TM2D1: variants seen among roughly 807,000 people sequenced by gnomAD.
TM2D1 encodes the protein TM2 domain containing 1, also known as TM2 domain-containing protein 1.
Under a neutral mutation model 28.4 loss-of-function variants are expected in TM2D1, and 15 were observed. The ratio of observed to expected loss-of-function variants is 0.53; its 90% confidence interval spans 0.35 to 0.81. TM2D1 has a LOEUF of 0.81. TM2D1 is among the 40% of genes least tolerant of loss of function. The pLI is 0.01. For synonymous variants in TM2D1, 93 were observed against 96.2 expected (o/e 0.97, Z 0.20); for missense variants, 236 against 254.9 (o/e 0.93, Z 0.50).
At chr1:61,698,629 AAC>A (rs1644380219) in intron 4 of TM2D1, 1 of 151,976 alleles carries the variant, frequency 6.6e-6, no homozygotes, top group African/African-American at 2.4e-5. Context: ...CCCCGAGGCT[AAC>A]AGATTTATAA....
At chr1:61,712,152 G>A (rs1644483339) in intron 2 of TM2D1, among the ~76,000 whole-genome samples, 1 of 152,092 alleles carries the variant, frequency 6.6e-6, no homozygotes, top group Non-Finnish European at 1.5e-5. Context: ...GGCATATAGT[G>A]AGTACAGACC....
rs1396776483 is a variant in TM2D1 at position 61,725,129 on chromosome 1, C to A, written c.-9G>T. 6.2e-7 allele frequency: 1 copy of A among 1,613,442 alleles called. No homozygotes were observed. Among genetic ancestry groups the A allele is most frequent in the Non-Finnish European group, 8.5e-7 (1 of 1,179,818 alleles). ...GGCCAGGCGGCCGCCATCTTGGAGA[C>A]CGACACTTTCTCGCCACTTCCGCTT... On this transcript the variant is annotated 5_prime_UTR_variant, in exon 1 of 7. Coordinates refer to ENST00000606498, the MANE Select transcript of TM2D1 (RefSeq NM_032027.3).
chr1:61,686,526 G>A (rs1167121234), intron 5 of TM2D1, among the ~76,000 whole-genome samples: 2 of 151,974 alleles, frequency 1.3e-5, no homozygotes, highest in East Asian at 1.9e-4. Flanking sequence ...AGTCAGGCAC[G>A]GTGGTGCACA....
At chr1:61,691,816 G>A (rs1644326880) in intron 5 of TM2D1, among the ~76,000 whole-genome samples, 1 of 150,378 alleles carries the variant, frequency 6.6e-6, no homozygotes, top group African/African-American at 2.4e-5. Flanking sequence ...TCAGGAGGCT[G>A]AGGCAGGAGA....
intron 1 of TM2D1, 28 bp downstream of exon 1, chr1:61,724,929 A>G: frequency 6.4e-7 from 1 of 1,561,984 alleles, no homozygotes; most frequent in Non-Finnish European, 8.7e-7. Flanking sequence ...CCTCGCCTCC[A>G]TGGGGGGGTG....
rs377613032 is a variant in TM2D1, at chr1:61,695,663, G to A, written c.440-893C>T. Among the ~76,000 whole-genome samples the A allele has an allele frequency of 2.2e-4, 33 of 152,226 alleles. No individual in the cohort carries two copies. The South Asian group carries it at 5.0e-3, about 23-fold the overall frequency. On this transcript the variant is annotated intron_variant, in intron 4 of 6. Coordinates refer to ENST00000606498, the MANE Select transcript of TM2D1 (RefSeq NM_032027.3). ...GGATGAGATCACACATCTCACAGAG[G>A]ATCACACAGAGGATTCTCCCACAAC...
intron 6 of TM2D1, 98 bp downstream of exon 6, chr1:61,683,319 T>A: frequency 2.4e-6 from 1 of 417,050 alleles, no homozygotes; most frequent in Non-Finnish European, 4.2e-6. Context: ...GAGAGGTTTA[T>A]ACGGTTTCTT....
intron 2 of TM2D1, among the ~76,000 whole-genome samples, chr1:61,722,613 C>T (rs1433809814): frequency 1.3e-5 from 2 of 152,130 alleles, no homozygotes; most frequent in Non-Finnish European, 2.9e-5. Context: ...GTGATCCACC[C>T]GCCTTGGCCT....
At chr1:61,689,247 G>C (rs993714898) in intron 5 of TM2D1, among the ~76,000 whole-genome samples, 1 of 152,052 alleles carries the variant, frequency 6.6e-6, no homozygotes, top group Non-Finnish European at 1.5e-5. Flanking sequence ...CCACACTTTG[G>C]TCTAAACTGA....
At chr1:61,701,797 G>A (rs1332851069) in intron 3 of TM2D1, among the ~76,000 whole-genome samples, 1 of 151,986 alleles carries the variant, frequency 6.6e-6, no homozygotes, top group African/African-American at 2.4e-5. Context: ...AAATCTAATG[G>A]GCAGTAACAG....
At chr1:61,691,085 C>T (rs1644320369) in intron 5 of TM2D1, among the ~76,000 whole-genome samples, 2 of 152,140 alleles carry the variant, frequency 1.3e-5, no homozygotes, top group East Asian at 1.9e-4. Context: ...TACTTATTTC[C>T]ATTTTCCCTC....
intron 2 of TM2D1, among the ~76,000 whole-genome samples, chr1:61,713,928 G>A (rs999426535): frequency 1.6e-5 from 2 of 123,424 alleles, no homozygotes; most frequent in African/African-American, 6.3e-5. Flanking sequence ...TCGCTCTGTC[G>A]CCCAGGCCGG....
chr1:61,722,005 T>C (rs545146577), intron 2 of TM2D1, among the ~76,000 whole-genome samples: 2 of 147,724 alleles, frequency 1.4e-5, no homozygotes, highest in Non-Finnish European at 1.5e-5. Context: ...TGGTGGTTCA[T>C]GCCTGTAAAC....
At chr1:61,698,405 C>G (rs1644378382) in intron 4 of TM2D1, 1 of 152,032 alleles carries the variant, frequency 6.6e-6, no homozygotes, top group Non-Finnish European at 1.5e-5. Flanking sequence ...ACTAAAAATA[C>G]AAAATTAGCT....
chr1:61,683,406 A>G lies in TM2D1; in HGVS notation c.*19+11T>C. The G allele has an allele frequency of 5.9e-6, 5 of 846,656 alleles. No individual in the cohort carries two copies. The highest frequency in any genetic ancestry group is 1.9e-5 in the South Asian group (1 of 51,952). 52.4% of individuals were successfully genotyped at this position (846,656 alleles called of 1,614,324 possible). On this transcript the variant is annotated intron_variant, in intron 6 of 6. Transcript: ENST00000606498. ...ACTATAAGATATTACATATATATATATATCACTTACTGTTTCTTTTAAAAA... is the reference window on the plus strand; with the variant it reads ...ACTATAAGATATTACATATATATATGTATCACTTACTGTTTCTTTTAAAAA...
intron 5 of TM2D1, chr1:61,686,955 G>C (rs981442447): frequency 5.2e-5 from 51 of 984,568 alleles, no homozygotes; most frequent in Non-Finnish European, 5.8e-5. Context: ...CCAATACTGG[G>C]AATTTTTTTC....
At chr1:61,707,165 G>C (rs2148054893) in intron 3 of TM2D1, among the ~76,000 whole-genome samples, 1 of 152,226 alleles carries the variant, frequency 6.6e-6, no homozygotes, top group East Asian at 1.9e-4. Context: ...TGAGATGAGA[G>C]GATGGCTTGA....
At chr1:61,682,616 C>T (rs1644252758) in intron 6 of TM2D1, among the ~76,000 whole-genome samples, 1 of 152,060 alleles carries the variant, frequency 6.6e-6, no homozygotes, top group Admixed American at 6.6e-5. Context: ...AAAGCTGAGG[C>T]CAGCCAGGCA....
At chr1:61,685,579 A>G (rs1644279262) in intron 5 of TM2D1, among the ~76,000 whole-genome samples, 1 of 152,242 alleles carries the variant, frequency 6.6e-6, no homozygotes, top group African/African-American at 2.4e-5. Context: ...ATCTCTGCCA[A>G]CAGGGAACTT....
Sources: gnomAD v4.1 joint callset for allele counts (sites outside exome capture counted in the v4.1 genomes callset) on GRCh38, gnomAD v4.1.1 for gene constraint, MANE v1.5 for transcripts, NCBI Gene and HGNC (gene_info 2026-07-23, HGNC 2026-07-21) for gene names.